NRG1: variants seen among roughly 807,000 people sequenced by gnomAD.
The protein encoded by NRG1 is neuregulin 1, also known as pro-neuregulin-1, membrane-bound isoform.
NRG1 carries 18 observed loss-of-function variants against 63.8 expected under a neutral mutation model. The ratio of observed to expected loss-of-function variants is 0.28; its 90% CI spans 0.19 to 0.42. The LOEUF (loss-of-function observed/expected upper bound fraction) is 0.42. NRG1 is among the 10% of genes least tolerant of loss of function. The pLI is 1.00. For synonymous variants in NRG1, 302 were observed against 301.3 expected (o/e 1.00, Z -0.02); for missense variants, 762 against 814.7 (o/e 0.94, Z 0.79).
At chr8:31,717,633 T>C (rs949353267) in intron 1 of NRG1, among the ~76,000 whole-genome samples, 8 of 152,122 alleles carry the variant, frequency 5.3e-5, no homozygotes, top group Admixed American at 2.0e-4. Context: ...TCCAATGCTA[T>C]TTGCACAGAA....
chr8:32,122,518 C>A (rs1443528021), intron 1 of NRG1, among the ~76,000 whole-genome samples: 1 of 151,954 alleles, frequency 6.6e-6, no homozygotes, highest in African/African-American at 2.4e-5. Context: ...TAAACATGCA[C>A]AAAATTTTCA....
chr8:32,635,492 A>T (rs1186627305), intron 5 of NRG1, among the ~76,000 whole-genome samples: 1 of 152,150 alleles, frequency 6.6e-6, no homozygotes, highest in Non-Finnish European at 1.5e-5. Context: ...GCTGAATTAC[A>T]GTCATGCCAT....
chr8:31,731,417 TACACACACAC>T (rs139927733), intron 1 of NRG1, among the ~76,000 whole-genome samples: 9 of 148,308 alleles, frequency 6.1e-5, no homozygotes, highest in African/African-American at 2.0e-4. Context: ...AATTATGTCA[TACACACACAC>T]ACACACACAC....
intron 1 of NRG1, among the ~76,000 whole-genome samples, chr8:32,251,000 A>G (rs1464781212): frequency 6.6e-6 from 1 of 152,120 alleles, no homozygotes; most frequent in Non-Finnish European, 1.5e-5. Flanking sequence ...CAAACAAGAA[A>G]GGCAAAGTTA....
intron 6 of NRG1, among the ~76,000 whole-genome samples, chr8:32,729,033 A>C (rs372594421): frequency 9.9e-5 from 15 of 152,202 alleles, no homozygotes; most frequent in East Asian, 5.8e-4. Context: ...GCACCACTGC[A>C]CTCCAGCCTG....
intron 1 of NRG1, among the ~76,000 whole-genome samples, chr8:31,958,432 C>T (rs1804844418): frequency 6.6e-6 from 1 of 152,150 alleles, no homozygotes; most frequent in Non-Finnish European, 1.5e-5. Context: ...CAAAATTCTT[C>T]CCATTGTGTG....
At chr8:32,586,332 A>C (rs1391906863) in intron 1 of NRG1, among the ~76,000 whole-genome samples, 1 of 152,058 alleles carries the variant, frequency 6.6e-6, no homozygotes, top group Non-Finnish European at 1.5e-5. Flanking sequence ...CTAACTGTGA[A>C]GTACAGGGCA....
chr8:32,767,642 A>G (rs1831529732), exon 12 of NRG1: 1 of 152,188 alleles, frequency 6.6e-6, no homozygotes, highest in Non-Finnish European at 1.5e-5. Flanking sequence ...TATTATTTAT[A>G]TTTAAGCATC....
At chr8:32,251,471 G>C (rs915509605) in intron 1 of NRG1, among the ~76,000 whole-genome samples, 3 of 152,112 alleles carry the variant, frequency 2.0e-5, no homozygotes, top group East Asian at 3.9e-4. Context: ...TGGGCATTTG[G>C]GTTGGATCCA....
chr8:31,714,917 G>T (rs1375875555), intron 1 of NRG1, among the ~76,000 whole-genome samples: 3 of 151,980 alleles, frequency 2.0e-5, no homozygotes, highest in Non-Finnish European at 4.4e-5. Flanking sequence ...GTAGCCTTGT[G>T]ATTTTTTTTT....
chr8:32,214,278 G>A (rs889538959), intron 1 of NRG1, among the ~76,000 whole-genome samples: 4 of 151,872 alleles, frequency 2.6e-5, no homozygotes, highest in East Asian at 1.9e-4. Context: ...TGGCATATTC[G>A]GCTACCCTAC....
intron 1 of NRG1, among the ~76,000 whole-genome samples, chr8:32,203,442 T>A (rs985936053): frequency 6.6e-6 from 1 of 152,068 alleles, no homozygotes; most frequent in South Asian, 2.1e-4. Context: ...TGGTGCAATC[T>A]TGGCTCATGC....
chr8:31,921,483 C>G (rs2170399), intron 1 of NRG1, among the ~76,000 whole-genome samples: 21 of 81,282 alleles, frequency 2.6e-4, no homozygotes, highest in South Asian at 4.3e-4. Context: ...CACATACACA[C>G]ACACACACAC....
intron 1 of NRG1, among the ~76,000 whole-genome samples, chr8:32,028,251 C>G (rs187505962): frequency 4.0e-4 from 61 of 152,188 alleles, no homozygotes; most frequent in African/African-American, 1.4e-3. Context: ...AATGTGGTTT[C>G]TTTCTTCTAA....
chr8:32,585,377 TATA>T, intron 1 of NRG1, among the ~76,000 whole-genome samples: 1 of 152,166 alleles, frequency 6.6e-6, no homozygotes, highest in African/African-American at 2.4e-5. Flanking sequence ...GAGATGTTCT[TATA>T]ATTAGGGGCA....
At chr8:32,672,109 A>G (rs1463160167) in intron 5 of NRG1, among the ~76,000 whole-genome samples, 1 of 151,776 alleles carries the variant, frequency 6.6e-6, no homozygotes. Context: ...CAGTGGCACA[A>G]TCTCGGCTCA....
intron 1 of NRG1, among the ~76,000 whole-genome samples, chr8:32,223,598 A>T (rs904836074): frequency 6.6e-6 from 1 of 152,178 alleles, no homozygotes; most frequent in Non-Finnish European, 1.5e-5. Flanking sequence ...TGATTTTGTA[A>T]ATAGTGATAC....
At chr8:32,556,009 A>G (rs1466956135) in intron 1 of NRG1, among the ~76,000 whole-genome samples, 2 of 152,226 alleles carry the variant, frequency 1.3e-5, no homozygotes, top group African/African-American at 4.8e-5. Flanking sequence ...TTTGATGGGC[A>G]GGGAGCTGCC....
intron 2 of NRG1, among the ~76,000 whole-genome samples, chr8:32,599,518 A>G (rs753564499): frequency 6.6e-6 from 1 of 152,218 alleles, no homozygotes; most frequent in Non-Finnish European, 1.5e-5. Context: ...ACTAAAAACT[A>G]CATTCCTACG....
Sources: allele counts gnomAD v4.1 joint callset (sites outside exome capture counted in the v4.1 genomes callset), GRCh38; gene constraint gnomAD v4.1.1; transcripts MANE v1.5; gene names NCBI Gene and HGNC (gene_info 2026-07-23, HGNC 2026-07-21).